Variants in PCDHA5 observed in about 807,000 individuals in gnomAD.
PCDHA5 encodes the protein protocadherin alpha-5.
A neutral mutation model predicts 61.6 loss-of-function variants in PCDHA5; 43 were observed. That is an observed-to-expected ratio of 0.70 (90% confidence interval 0.55 to 0.90). The LOEUF (loss-of-function observed/expected upper bound fraction) is 0.90. Ranked by LOEUF, PCDHA5 falls within the 40% of genes least tolerant of loss-of-function variation. PCDHA5 has a pLI of 0.00. For synonymous variants in PCDHA5, 627 were observed against 543.9 expected (o/e 1.15, Z -2.13); for missense variants, 1,298 against 1,222.7 (o/e 1.06, Z -0.92).
chr5:140,979,175 AAT>A, intron 2 of PCDHA5, 168 bp downstream of exon 2: 3 of 951,630 alleles, frequency 3.2e-6, no homozygotes, highest in Non-Finnish European at 3.8e-6. Flanking sequence ...AAAGATCGCA[AAT>A]GGTCAGTGCC....
At chr5:140,967,475 C>T (rs555659207) in intron 1 of PCDHA5, 1 of 1,613,342 alleles carries the variant, frequency 6.2e-7, no homozygotes, top group South Asian at 1.1e-5. Context: ...CATCCCAGCC[C>T]GCTCGGGTAC....
chr5:140,939,904 T>A (rs1554213033), intron 1 of PCDHA5, among the ~76,000 whole-genome samples: 3 of 152,228 alleles, frequency 2.0e-5, no homozygotes, highest in Non-Finnish European at 2.9e-5. Context: ...TTCTGCATTC[T>A]TTTTTATTCT....
chr5:140,946,634 A>ATATATATAT (rs1554217761), intron 1 of PCDHA5, among the ~76,000 whole-genome samples: 5 of 147,332 alleles, frequency 3.4e-5, no homozygotes, highest in African/African-American at 7.7e-5. Flanking sequence ...ATATATATAC[A>ATATATATAT]ATGGAATACT....
At chr5:140,870,436 G>A (rs782478068) in intron 1 of PCDHA5, 7 of 1,614,128 alleles carry the variant, frequency 4.3e-6, no homozygotes, top group Non-Finnish European at 5.9e-6. Context: ...CGTGGAGGTG[G>A]CCGACGTGAA....
In PCDHA5 at chr5:140,843,667, A is replaced by G. The variant is rs143385524; in HGVS notation, c.2352+19540A>G. Reference sequence around the variant, plus strand: ...CCTGCCTTCCTCCTGATCTGGGATCAGTTGATGTAGGCGAAGAGCAAGATT... The same window carrying G: ...CCTGCCTTCCTCCTGATCTGGGATCGGTTGATGTAGGCGAAGAGCAAGATT... On this transcript the variant is annotated intron_variant, in intron 1 of 3. Coordinates refer to ENST00000529859, the MANE Select transcript of PCDHA5 (RefSeq NM_018908.3). The G allele has an allele frequency of 5.3e-5, 84 of 1,593,334 alleles. 5 individuals are homozygous for G. Among genetic ancestry groups the G allele is most frequent in the Non-Finnish European group, 6.5e-5 (76 of 1,163,092 alleles).
At chr5:140,853,515 G>A in intron 1 of PCDHA5, 1 of 976,904 alleles carries the variant, frequency 1.0e-6, no homozygotes, top group Non-Finnish European at 1.2e-6. Context: ...CAATAATGAA[G>A]CTCCTCCTAT....
intron 1 of PCDHA5, chr5:140,863,371 C>A: frequency 2.6e-6 from 3 of 1,169,148 alleles, no homozygotes; most frequent in Non-Finnish European, 3.7e-6. Context: ...CTTGGCGCAG[C>A]TCACCGAGAG....
At chr5:140,884,016 G>T (rs143828814) in intron 1 of PCDHA5, 1 of 1,613,208 alleles carries the variant, frequency 6.2e-7, no homozygotes, top group Non-Finnish European at 8.5e-7. Flanking sequence ...CTGATGCCGC[G>T]GTCGGTGGGT....
chr5:140,823,492 G>C lies in PCDHA5; in HGVS notation c.1717G>C (p.Gly573Arg), dbSNP rs886912020. The C allele has an allele frequency of 6.2e-7, 1 of 1,613,280 alleles. No homozygotes were observed. The highest frequency in any genetic ancestry group is 1.3e-5 in the African/African-American group (1 of 75,054). Residue 573 changes from glycine to arginine, a missense_variant, in exon 1 of 4, where the codon GGC becomes CGC. Gly to Arg is a moderately radical substitution (Grantham distance 125). Coordinates refer to ENST00000529859, the MANE Select transcript of PCDHA5 (RefSeq NM_018908.3). ...GCTGGTGCCTCGAGTGGGTGGCACC[G>C]GCGGCGCAGTGAGCGAGCTGGTGCC... is the stretch of plus-strand genomic sequence containing the variant. ...ALLVPRVGGTGGAVSELVPRS... is the reference protein window; with the variant it reads ...ALLVPRVGGTRGAVSELVPRS...
At chr5:140,943,278 G>A (rs246067) in intron 1 of PCDHA5, among the ~76,000 whole-genome samples, 37,737 of 121,894 alleles carry the variant, frequency 0.31, 6,744 homozygotes, top group East Asian at 0.43. Flanking sequence ...AAAAAAAAAA[G>A]AAAGAAAGAA....
chr5:140,898,018 C>G (rs1189161004), intron 1 of PCDHA5, among the ~76,000 whole-genome samples: 1 of 152,062 alleles, frequency 6.6e-6, no homozygotes, highest in African/African-American at 2.4e-5. Flanking sequence ...TATCCTTTGC[C>G]CACTTTTTGA....
rs537764090 is a variant in PCDHA5 at position 140,925,273 on chromosome 5, AT to A, written c.2353-53672del. Reference sequence around the variant, plus strand: ...ACTTTAATTCTTGATCTGTGTTCAGATTTTGCCTTTCAAATGTTTCATTATT... The same window carrying A: ...ACTTTAATTCTTGATCTGTGTTCAGATTTGCCTTTCAAATGTTTCATTATT... On this transcript the variant is annotated intron_variant, in intron 1 of 3. Transcript: ENST00000529859. Among the ~76,000 whole-genome samples, 1,221 of 152,228 alleles carry A rather than the reference AT, an allele frequency of 8.0e-3. 6 individuals are homozygous for A. Among genetic ancestry groups the A allele is most frequent in the African/African-American group, 0.019 (789 of 41,534 alleles).
chr5:140,870,975 G>A, intron 1 of PCDHA5: 1 of 1,613,610 alleles, frequency 6.2e-7, no homozygotes, highest in Non-Finnish European at 8.5e-7. Context: ...TCCGCGTGGG[G>A]CTGTACACGG....
In PCDHA5 at chr5:140,842,931, C is replaced by T. The variant is rs1778399596; in HGVS notation, c.2352+18804C>T. Reference sequence around the variant, plus strand: ...GAGCTGCTGCAGTTCCAGGTGAGCGCGCGCGACGCGGGCGTGCCGCCTCTG... The same window carrying T: ...GAGCTGCTGCAGTTCCAGGTGAGCGTGCGCGACGCGGGCGTGCCGCCTCTG... On this transcript the variant is annotated intron_variant, in intron 1 of 3. Coordinates refer to ENST00000529859, the MANE Select transcript of PCDHA5 (RefSeq NM_018908.3). The T allele has an allele frequency of 1.9e-6, 3 of 1,594,502 alleles. 1 individual carries two copies. Among genetic ancestry groups the T allele is most frequent in the Non-Finnish European group, 2.6e-6 (3 of 1,165,448 alleles).
Position 141,010,190 on chromosome 5 carries a change from C to G in PCDHA5, c.*253C>G. On this transcript the variant is annotated 3_prime_UTR_variant, in exon 4 of 4. Transcript: ENST00000529859. ...GAACCTAAAAAGCAGACCCAAGTTT[C>G]CTTTCTCCTCCGCCGCAAAGGAGAG... 1 of 1,552,504 alleles carries G rather than the reference C, an allele frequency of 6.4e-7. No individual in the cohort carries two copies. Among genetic ancestry groups the G allele is most frequent in the East Asian group, 2.4e-5 (1 of 40,930 alleles).
At chr5:140,950,219 C>G (rs1173605199) in intron 1 of PCDHA5, among the ~76,000 whole-genome samples, 4 of 151,898 alleles carry the variant, frequency 2.6e-5, no homozygotes, top group African/African-American at 9.7e-5. Flanking sequence ...TAGTCATTTA[C>G]CATTTCTAGT....
At chr5:140,830,287 C>A in intron 1 of PCDHA5, 1 of 1,613,846 alleles carries the variant, frequency 6.2e-7, no homozygotes. Context: ...AGGGCGCGTG[C>A]ACGGCGGACA....
Position 140,863,100 on chromosome 5 carries a change from C to A in PCDHA5, c.2352+38973C>A, listed in dbSNP as rs146061743. 4,507 of 579,870 alleles carry A rather than the reference C, an allele frequency of 7.8e-3. 34 individuals carry two copies. The highest frequency in any genetic ancestry group is 0.018 in the Middle Eastern group (62 of 3,436). The allele number at this position is 579,870 out of a possible 1,614,324, so 35.9% of individuals were successfully genotyped here. A position where few individuals can be genotyped will look rare whatever the true frequency, so the allele number is the denominator to read the frequency against. ...CGGGCGAGATCAGCACGACGAGTAC[C>A]CTGGACGAGGCGAAAGCTACGCGCC... On this transcript the variant is annotated intron_variant, in intron 1 of 3. Coordinates refer to ENST00000529859, the MANE Select transcript of PCDHA5 (RefSeq NM_018908.3).
At chr5:140,883,924 G>T (rs1554180605) in intron 1 of PCDHA5, 14 of 1,613,506 alleles carry the variant, frequency 8.7e-6, no homozygotes, top group Non-Finnish European at 1.1e-5. Context: ...TGACGCTGCA[G>T]GTGTTCGTGC....
Sources: allele counts gnomAD v4.1 joint callset (sites outside exome capture counted in the v4.1 genomes callset), GRCh38; gene constraint gnomAD v4.1.1; transcripts MANE v1.5; gene names NCBI Gene and HGNC (gene_info 2026-07-23, HGNC 2026-07-21).